PLSCR2: variants seen among roughly 807,000 people sequenced by gnomAD.
PLSCR2 encodes the protein phospholipid scramblase 2.
In PLSCR2, 18 loss-of-function variants were observed where a neutral mutation model predicts 25.3. The ratio of observed to expected loss-of-function variants is 0.71; its 90% CI spans 0.49 to 1.06. The LOEUF is 1.06. Ranked by LOEUF, PLSCR2 falls within the 50% of genes least tolerant of loss-of-function variation. PLSCR2 has a pLI of 0.00. For synonymous variants in PLSCR2, 88 were observed against 87.3 expected, an observed-to-expected ratio of 1.01 and a Z score of -0.04; for missense variants, 243 against 269.5, an observed-to-expected ratio of 0.90 and a Z score of 0.69.
chr3:146,420,255 AAT>A (rs2039103534), intron 2 of PLSCR2, among the ~76,000 whole-genome samples: 1 of 152,096 alleles, frequency 6.6e-6, no homozygotes, highest in African/African-American at 2.4e-5. Flanking sequence ...TGTGTAAAAT[AAT>A]CAACATATGT....
chr3:146,449,461 G>T, intron 5 of PLSCR2, 94 bp from the exon 6 acceptor site: 1 of 786,514 alleles, frequency 1.3e-6, no homozygotes, highest in Non-Finnish European at 2.0e-6. Flanking sequence ...AAATATTATA[G>T]TACATTTATG....
At chr3:146,453,029 CAT>C (rs1392103311) in intron 5 of PLSCR2, among the ~76,000 whole-genome samples, 3 of 151,904 alleles carry the variant, frequency 2.0e-5, no homozygotes, top group Admixed American at 1.3e-4. Flanking sequence ...CTCTACAACA[CAT>C]GTGTTTTCTT....
At chr3:146,451,563 A>C (rs564341535) in intron 5 of PLSCR2, among the ~76,000 whole-genome samples, 1 of 152,278 alleles carries the variant, frequency 6.6e-6, no homozygotes, top group African/African-American at 2.4e-5. Flanking sequence ...GACTCTTCTA[A>C]GCAATAAATC....
intron 1 of PLSCR2, among the ~76,000 whole-genome samples, chr3:146,484,835 C>T (rs1201842626): frequency 2.6e-5 from 4 of 152,088 alleles, no homozygotes; most frequent in Admixed American, 6.6e-5. Context: ...ACTGCAAAGA[C>T]ACACCAAAAG....
rs186271921 is a variant in PLSCR2, at chr3:146,444,434, C to A, written c.646-2613G>T. On this transcript the variant is annotated intron_variant, in intron 6 of 6. Transcript: ENST00000610787. ...CTCTAATAATATTTGCTTTCTATATCTCGGTGCTCCAGTATTGGGTGCATA... is the reference window on the plus strand; with the variant it reads ...CTCTAATAATATTTGCTTTCTATATATCGGTGCTCCAGTATTGGGTGCATA... 5.9e-5 allele frequency among the ~76,000 whole-genome samples: 9 copies of A among 151,814 alleles called. No homozygotes were observed. In the East Asian group the frequency reaches 1.7e-3, roughly 29 times the overall value.
chr3:146,487,080 A>G (rs1455496329), intron 1 of PLSCR2, among the ~76,000 whole-genome samples: 1 of 152,190 alleles, frequency 6.6e-6, no homozygotes, highest in Non-Finnish European at 1.5e-5. Context: ...GATTATTTCA[A>G]TAGACATAGA....
chr3:146,426,131 A>G (rs2039336804), intron 2 of PLSCR2, among the ~76,000 whole-genome samples: 2 of 151,514 alleles, frequency 1.3e-5, no homozygotes, highest in Non-Finnish European at 2.9e-5. Context: ...GGAACATTCT[A>G]TTTTTTCTCT....
chr3:146,453,347 A>C (rs983649146), intron 5 of PLSCR2, among the ~76,000 whole-genome samples: 1 of 152,154 alleles, frequency 6.6e-6, no homozygotes, highest in Non-Finnish European at 1.5e-5. Context: ...AGATTAAGTT[A>C]TAAAACCTTC....
At chr3:146,467,067 C>T (rs564083148) in intron 1 of PLSCR2, among the ~76,000 whole-genome samples, 6 of 152,240 alleles carry the variant, frequency 3.9e-5, no homozygotes, top group Admixed American at 3.3e-4. Flanking sequence ...AGTGCTTTGG[C>T]TTTTAAATTT....
intron 2 of PLSCR2, among the ~76,000 whole-genome samples, chr3:146,409,581 G>A (rs995652557): frequency 6.6e-6 from 1 of 152,068 alleles, no homozygotes; most frequent in Non-Finnish European, 1.5e-5. Context: ...ACTATTGTAG[G>A]ATTCAATGAC....
At chr3:146,399,460 C>T (rs1329079559) in intron 2 of PLSCR2, among the ~76,000 whole-genome samples, 4 of 151,830 alleles carry the variant, frequency 2.6e-5, no homozygotes, top group Non-Finnish European at 4.4e-5. Flanking sequence ...CACACATATA[C>T]ACACATAGTA....
At chr3:146,460,275 G>T in exon 1 of PLSCR2, 2 of 1,321,524 alleles carry the variant, frequency 1.5e-6, no homozygotes, top group Admixed American at 3.6e-5. Context: ...TCTATTTTGA[G>T]GGTGGTTCAC....
downstream of PLSCR2, among the ~76,000 whole-genome samples, chr3:146,437,615 G>A (rs1487021680): frequency 6.6e-6 from 1 of 152,044 alleles, no homozygotes; most frequent in African/African-American, 2.4e-5. Context: ...GATCAGTGGT[G>A]ATATCCCCTT....
exon 2 of PLSCR2, chr3:146,459,977 G>A: frequency 1.2e-6 from 2 of 1,613,906 alleles, no homozygotes; most frequent in Non-Finnish European, 1.7e-6. Flanking sequence ...GTGGGACTAG[G>A]TAGTCATGCT....
intron 6 of PLSCR2, among the ~76,000 whole-genome samples, chr3:146,443,906 C>T (rs916241816): frequency 2.0e-5 from 3 of 151,824 alleles, no homozygotes; most frequent in Non-Finnish European, 2.9e-5. Context: ...TTGCTATAAA[C>T]TTTCTTCTTA....
chr3:146,455,493 T>G (rs746154521), intron 3 of PLSCR2, 34 bp from the exon 4 acceptor site: 2 of 1,250,280 alleles, frequency 1.6e-6, no homozygotes, highest in Admixed American at 1.7e-5. Flanking sequence ...TGCCTTTACG[T>G]TAAAATGATT....
intron 2 of PLSCR2, among the ~76,000 whole-genome samples, chr3:146,414,225 G>A (rs2038943263): frequency 1.3e-5 from 2 of 152,276 alleles, no homozygotes; most frequent in African/African-American, 4.8e-5. Context: ...ACCTCTTAAA[G>A]GTCCAACCTG....
chr3:146,414,312 T>G (rs1381224679), intron 2 of PLSCR2, among the ~76,000 whole-genome samples: 1 of 152,236 alleles, frequency 6.6e-6, no homozygotes, highest in African/African-American at 2.4e-5. Flanking sequence ...GCAAATGTAT[T>G]CCTCACACTT....
chr3:146,391,798 C>A (rs1408815288), intron 3 of PLSCR2, among the ~76,000 whole-genome samples: 1 of 152,048 alleles, frequency 6.6e-6, no homozygotes, highest in African/African-American at 2.4e-5. Context: ...TCTCTAAAGG[C>A]CCTTAGAGAT....
Sources: gnomAD v4.1 joint callset for allele counts (sites outside exome capture counted in the v4.1 genomes callset) on GRCh38, gnomAD v4.1.1 for gene constraint, MANE v1.5 for transcripts, NCBI Gene and HGNC (gene_info 2026-07-23, HGNC 2026-07-21) for gene names.